Variants in CCDC152 observed in about 807,000 individuals in gnomAD.
CCDC152 encodes coiled-coil domain-containing protein 152.
CCDC152 carries 37 observed loss-of-function variants against 38.1 expected under a neutral mutation model. The ratio of observed to expected loss-of-function variants is 0.97; its 90% CI spans 0.75 to 1.28. The LOEUF (loss-of-function observed/expected upper bound fraction) is 1.28, where lower values mean the gene tolerates loss of function less well. CCDC152 is among the 50% of genes most tolerant of loss of function. The pLI is 0.00. For missense variants in CCDC152, 259 were observed against 292.1 expected, an observed-to-expected ratio of 0.89 and a Z score of 0.83; for synonymous variants, 83 against 87.1, an observed-to-expected ratio of 0.95 and a Z score of 0.26.
chr5:42,758,403 T>G (rs1759509134), intron 1 of CCDC152, among the ~76,000 whole-genome samples: 2 of 152,220 alleles, frequency 1.3e-5, no homozygotes, highest in African/African-American at 2.4e-5. Context: ...CAACCTAACA[T>G]CCCTGAATTT....
chr5:42,785,286 T>C (rs1275828883), intron 6 of CCDC152, among the ~76,000 whole-genome samples: 1 of 152,148 alleles, frequency 6.6e-6, no homozygotes, highest in African/African-American at 2.4e-5. Context: ...ACCAAACTGT[T>C]TTGTTCTCCT....
At chr5:42,783,442 T>G (rs1372679265) in intron 5 of CCDC152, 32 bp from the exon 6 acceptor site, 1 of 944,050 alleles carries the variant, frequency 1.1e-6, no homozygotes, top group East Asian at 4.6e-5. Context: ...CATATTTAAA[T>G]TTTAAAAATT....
At position 42,779,490 on chromosome 5, in the gene CCDC152, C is replaced by A; in HGVS notation, c.295C>A (p.Leu99Ile). ...TGAACAACTAAAAATAAGTGCTGAT[C>A]TTATAAAAGAGAAGTTAAAGTCTCA... is the stretch of plus-strand genomic sequence containing the variant. The part of the protein sequence containing the change: ...ENEQLKISAD[L>I]IKEKLKSHEQ... Residue 99 changes from leucine (L) to isoleucine (I), a missense_variant, in exon 5 of 9, where the codon CTT becomes ATT. Transcript: ENST00000361970. 1 of 1,517,616 alleles carries A rather than the reference C, an allele frequency of 6.6e-7. No individual in the cohort carries two copies. The highest frequency in any genetic ancestry group is 9.0e-7 in the Non-Finnish European group (1 of 1,116,756). 94.0% of individuals were successfully genotyped at this position (1,517,616 alleles called of 1,614,324 possible).
At chr5:42,767,477 T>C (rs1321251296) in intron 3 of CCDC152, among the ~76,000 whole-genome samples, 1 of 152,162 alleles carries the variant, frequency 6.6e-6, no homozygotes, top group African/African-American at 2.4e-5. Flanking sequence ...AATTATACAG[T>C]ATAAGAAATA....
intron 6 of CCDC152, among the ~76,000 whole-genome samples, chr5:42,784,740 A>G (rs1331178619): frequency 6.6e-6 from 1 of 152,020 alleles, no homozygotes; most frequent in Non-Finnish European, 1.5e-5. Context: ...AAGGTCTTAC[A>G]CTTAAGTCTT....
chr5:42,767,260 G>A (rs1384405078), intron 3 of CCDC152, among the ~76,000 whole-genome samples: 1 of 151,976 alleles, frequency 6.6e-6, no homozygotes. Flanking sequence ...TTTATTTTCT[G>A]CATTTGATGC....
chr5:42,773,280 A>G (rs893334216), intron 4 of CCDC152, among the ~76,000 whole-genome samples: 9 of 152,316 alleles, frequency 5.9e-5, no homozygotes, highest in African/African-American at 2.2e-4. Flanking sequence ...GTAGGGACTT[A>G]TGGATTATGT....
rs573780214 is a variant in CCDC152, at chr5:42,764,429, A to G, written c.193+1881A>G. The stretch of plus-strand genomic sequence containing the variant: ...GGGAATACTTCCACACTCATTCTAC[A>G]AGGCTGATATTACCCTGATACCAAA... On this transcript the variant is annotated intron_variant, in intron 3 of 8. Transcript: ENST00000361970. Among the ~76,000 whole-genome samples the G allele has an allele frequency of 5.3e-5, 8 of 152,278 alleles. No individual in the cohort carries two copies. The South Asian group carries it at 1.2e-3, about 24-fold the overall frequency.
chr5:42,788,312 A>G (rs1759950198), intron 6 of CCDC152, among the ~76,000 whole-genome samples: 1 of 151,362 alleles, frequency 6.6e-6, no homozygotes, highest in Non-Finnish European at 1.5e-5. Flanking sequence ...TAATCATTAG[A>G]CTATTTAAGG....
At position 42,782,874 on chromosome 5, in the gene CCDC152, A is replaced by T. The variant is rs529724118; in HGVS notation, c.328-600A>T. On this transcript the variant is annotated intron_variant, in intron 5 of 8. Transcript: ENST00000361970. ...TTTTAATTTTCAAATTAAAATTTAA[A>T]TTTTTTTTTTGAGACAGAGTCTCGC... Among the ~76,000 whole-genome samples the T allele has an allele frequency of 1.1e-4, 17 of 150,230 alleles. 1 individual carries two copies. Among genetic ancestry groups the T allele is most frequent in the Middle Eastern group, 3.4e-3 (1 of 294 alleles).
chr5:42,781,553 G>GCACACA lies in CCDC152; in HGVS notation c.328-1920_328-1919insACACAC, dbSNP rs1236901158. The stretch of plus-strand genomic sequence containing the variant: ...TCCTCACTGAGAAAAATGCGCGCGC[G>GCACACA]CGCACACACACACACACACACACAC... On this transcript the variant is annotated intron_variant, in intron 5 of 8. Coordinates refer to ENST00000361970, the MANE Select transcript of CCDC152 (RefSeq NM_001134848.2). 0.013 allele frequency among the ~76,000 whole-genome samples: 1,623 copies of GCACACA among 125,804 alleles called. 46 individuals are homozygous for GCACACA. In the South Asian group the frequency reaches 0.13, roughly 10 times the overall value. 82.5% of individuals were successfully genotyped at this position (125,804 alleles called of 152,430 possible). A position where few individuals can be genotyped will look rare whatever the true frequency, so the allele number is the denominator to read the frequency against.
At chr5:42,785,211 T>C (rs1759902441) in intron 6 of CCDC152, among the ~76,000 whole-genome samples, 1 of 152,174 alleles carries the variant, frequency 6.6e-6, no homozygotes, top group African/African-American at 2.4e-5. Context: ...TTGATGATAT[T>C]GATTCTTCCT....
chr5:42,787,775 G>C (rs914875047), intron 6 of CCDC152, among the ~76,000 whole-genome samples: 19 of 152,004 alleles, frequency 1.2e-4, no homozygotes, highest in African/African-American at 4.3e-4. Context: ...ATCAACCCCT[G>C]TTCTTTTTCA....
chr5:42,794,999 G>C (rs936754102), intron 6 of CCDC152, among the ~76,000 whole-genome samples: 3 of 152,110 alleles, frequency 2.0e-5, no homozygotes, highest in Non-Finnish European at 2.9e-5. Flanking sequence ...AGAAAAAAGA[G>C]AGAAATGAAC....
chr5:42,792,938 C>T (rs982661587), intron 6 of CCDC152, among the ~76,000 whole-genome samples: 62 of 152,152 alleles, frequency 4.1e-4, no homozygotes, highest in Non-Finnish European at 5.9e-5. Flanking sequence ...ACCCAGCATT[C>T]GCACTCCTGG....
chr5:42,769,415 G>A (rs1223531222), intron 3 of CCDC152, among the ~76,000 whole-genome samples, 182 bp from the exon 4 acceptor site: 1 of 151,890 alleles, frequency 6.6e-6, no homozygotes, highest in Non-Finnish European at 1.5e-5. Flanking sequence ...ATAGCCCCCT[G>A]CAGCCTTGAA....
chr5:42,792,513 G>A (rs1760017883), intron 6 of CCDC152, among the ~76,000 whole-genome samples: 1 of 152,146 alleles, frequency 6.6e-6, no homozygotes, highest in Non-Finnish European at 1.5e-5. Context: ...TGTCTTGCAA[G>A]GCATTCCCCA....
At chr5:42,757,005 T>C (rs958620805) in intron 1 of CCDC152, 120 bp downstream of exon 1, 1 of 152,716 alleles carries the variant, frequency 6.5e-6, no homozygotes, top group African/African-American at 2.4e-5. Context: ...GACACCTCTC[T>C]CACATCCGCG....
intron 3 of CCDC152, among the ~76,000 whole-genome samples, chr5:42,768,620 C>T (rs1021400413): frequency 1.3e-5 from 2 of 152,230 alleles, no homozygotes; most frequent in African/African-American, 4.8e-5. Flanking sequence ...TGAGTTTTTA[C>T]TCCTTTTATT....
Sources: gnomAD v4.1 joint callset for allele counts (sites outside exome capture counted in the v4.1 genomes callset) on GRCh38, gnomAD v4.1.1 for gene constraint, MANE v1.5 for transcripts, NCBI Gene and HGNC (gene_info 2026-07-23, HGNC 2026-07-21) for gene names.